Variants in SPAG17 observed in about 807,000 individuals in gnomAD.
The protein encoded by SPAG17 is sperm associated antigen 17.
A neutral mutation model predicts 273.6 loss-of-function variants in SPAG17; 169 were observed. That is an observed-to-expected ratio of 0.62 (90% CI 0.55 to 0.70). The LOEUF is 0.70. Ranked by LOEUF, SPAG17 falls within the 30% of genes least tolerant of loss-of-function variation. The pLI is 0.00. For synonymous variants in SPAG17, 825 were observed against 873.2 expected, an observed-to-expected ratio of 0.94 and a Z score of 0.97; for missense variants, 2,557 against 2,627.8, an observed-to-expected ratio of 0.97 and a Z score of 0.59.
chr1:117,962,212 G>T (rs927739992), intron 48 of SPAG17: 1 of 152,156 alleles, frequency 6.6e-6, no homozygotes, highest in African/African-American at 2.4e-5. Flanking sequence ...TTATGATAAA[G>T]TGACATGTAC....
intron 20 of SPAG17, among the ~76,000 whole-genome samples, chr1:118,053,321 A>G (rs1571352207): frequency 6.6e-6 from 1 of 152,124 alleles, no homozygotes; most frequent in South Asian, 2.1e-4. Flanking sequence ...TTGCATGCTC[A>G]TGGGGGTTGG....
At chr1:118,143,449 G>A (rs1162095368) in intron 3 of SPAG17, among the ~76,000 whole-genome samples, 1 of 152,066 alleles carries the variant, frequency 6.6e-6, no homozygotes, top group Non-Finnish European at 1.5e-5. Flanking sequence ...TATAATCCCA[G>A]TAATTGGGCT....
Position 117,980,218 on chromosome 1 carries a change from TTTTTTTC to T in SPAG17, c.6004+1045_6004+1051del, listed in dbSNP as rs1304094669. Among the ~76,000 whole-genome samples the T allele has an allele frequency of 2.2e-4, 33 of 152,068 alleles. 1 individual carries two copies. The highest frequency in any genetic ancestry group is 1.2e-4 in the Non-Finnish European group (8 of 68,010). ...CAAAAGTCTTGTATGGGGTAAATCTTTTTTTTCTTTTTTCTTTTCTTTTCTTTTTTTG... is the reference window on the plus strand; with the variant it reads ...CAAAAGTCTTGTATGGGGTAAATCTTTTTTTTCTTTTCTTTTCTTTTTTTG... On this transcript the variant is annotated intron_variant, in intron 43 of 48. Coordinates refer to ENST00000336338, the MANE Select transcript of SPAG17 (RefSeq NM_206996.4).
chr1:118,132,146 C>T (rs1432367341), intron 3 of SPAG17, among the ~76,000 whole-genome samples: 1 of 152,160 alleles, frequency 6.6e-6, no homozygotes, highest in Non-Finnish European at 1.5e-5. Flanking sequence ...CTTCTCCACA[C>T]TGGGAGAGTC....
intron 18 of SPAG17, among the ~76,000 whole-genome samples, chr1:118,061,209 G>A (rs10923485): frequency 0.078 from 11,857 of 151,914 alleles, 678 homozygotes; most frequent in East Asian, 0.31. Flanking sequence ...GAGTATATAT[G>A]CAAAAAAAAT....
At chr1:118,067,389 G>A (rs1174351177) in intron 17 of SPAG17, among the ~76,000 whole-genome samples, 4 of 152,200 alleles carry the variant, frequency 2.6e-5, no homozygotes, top group Admixed American at 2.6e-4. Flanking sequence ...GGGGTCATGA[G>A]ACTAGGGCCG....
chr1:118,183,225 A>G (rs1570845099), intron 1 of SPAG17, among the ~76,000 whole-genome samples: 2 of 152,266 alleles, frequency 1.3e-5, no homozygotes, highest in East Asian at 3.9e-4. Context: ...ATACTTGGAC[A>G]TGAGTAACAA....
At chr1:118,136,835 T>C (rs1462464415) in intron 3 of SPAG17, among the ~76,000 whole-genome samples, 3 of 138,326 alleles carry the variant, frequency 2.2e-5, no homozygotes, top group African/African-American at 8.0e-5. Flanking sequence ...GTGTGTGTTT[T>C]TAATGATGGA....
At chr1:118,175,082 G>A (rs903863247) in intron 1 of SPAG17, among the ~76,000 whole-genome samples, 1 of 152,044 alleles carries the variant, frequency 6.6e-6, no homozygotes, top group African/African-American at 2.4e-5. Flanking sequence ...CCAGGCTGGA[G>A]TGCAGTGGCG....
chr1:117,959,570 A>G, intron 48 of SPAG17: 2 of 1,086,626 alleles, frequency 1.8e-6, no homozygotes, highest in Non-Finnish European at 2.5e-6. Context: ...TGCAGATGAT[A>G]TCAGGATGTG....
chr1:117,983,247 C>G (rs1309864080), intron 42 of SPAG17, among the ~76,000 whole-genome samples: 1 of 152,178 alleles, frequency 6.6e-6, no homozygotes, highest in Non-Finnish European at 1.5e-5. Flanking sequence ...ATCACGAGAA[C>G]AGCACGGGAA....
intron 18 of SPAG17, among the ~76,000 whole-genome samples, chr1:118,060,587 T>C (rs1652180678): frequency 6.6e-6 from 1 of 152,224 alleles, no homozygotes; most frequent in Non-Finnish European, 1.5e-5. Flanking sequence ...TAGAGTATCC[T>C]GAATTTGACT....
rs767757195 is a variant in SPAG17, at chr1:117,970,074, C to A, written c.6369G>T (p.Val2123=). ...GACTTACAGGTCCAGGTTTGTAAGT[C>A]ACTTTCAGTCCTGTGCTGGGTGGGG... is the stretch of plus-strand genomic sequence containing the variant. ...KQPPPSTGLK[V]TYKPGPVAAG... The change falls in exon 46 of 49, where the codon GTG becomes GTT. Residue 2123 remains valine, a synonymous_variant. Coordinates refer to ENST00000336338, the MANE Select transcript of SPAG17 (RefSeq NM_206996.4). 6.2e-7 allele frequency: 1 copy of A among 1,613,654 alleles called. No individual in the cohort carries two copies. Among genetic ancestry groups the A allele is most frequent in the East Asian group, 2.2e-5 (1 of 44,872 alleles).
intron 1 of SPAG17, among the ~76,000 whole-genome samples, chr1:118,154,899 A>G (rs1236211849): frequency 6.6e-6 from 1 of 152,126 alleles, no homozygotes; most frequent in Admixed American, 6.5e-5. Context: ...TGTAATTAGT[A>G]GCAAGAGCTG....
chr1:118,028,378 G>A lies in SPAG17; in HGVS notation c.3626C>T (p.Pro1209Leu), dbSNP rs764764533. 4 of 1,613,484 alleles carry A rather than the reference G, an allele frequency of 2.5e-6. No individual in the cohort carries two copies. The highest frequency in any genetic ancestry group is 2.2e-5 in the East Asian group (1 of 44,882). ...EEEKKEEEVEPEPVLQETLDV... is the reference protein window; with the variant it reads ...EEEKKEEEVELEPVLQETLDV... The stretch of plus-strand genomic sequence containing the variant: ...CAAAGTCTCTTGTAAAACAGGTTCT[G>A]GTTCTACTTCTTCTTCCTGTAAATA... Residue 1209 changes from proline (P) to leucine (L), a missense_variant, in exon 26 of 49, where the codon CCA (proline) becomes CTA (leucine). By Grantham distance (98) the Pro-to-Leu change is moderately conservative. Transcript: ENST00000336338.
chr1:118,051,679 G>C (rs1651028024), intron 20 of SPAG17, among the ~76,000 whole-genome samples: 1 of 144,450 alleles, frequency 6.9e-6, no homozygotes, highest in Non-Finnish European at 1.5e-5. Flanking sequence ...ATATATAATA[G>C]TATTATATAA....
chr1:118,113,984 C>T (rs188542024), intron 4 of SPAG17, among the ~76,000 whole-genome samples: 1 of 152,236 alleles, frequency 6.6e-6, no homozygotes, highest in East Asian at 1.9e-4. Context: ...TAAATTGACG[C>T]TCTTTAGCAC....
At position 118,081,631 on chromosome 1, in the gene SPAG17, A is replaced by G; in HGVS notation, c.1774T>C (p.Trp592Arg). ...TTGAAGGCTCGTTCTACTTCATTCC[A>G]GCTCAAGACATCTGTAAGAAAGCAG... ...MHFCTSDVLS[W>R]NEVERAFKVF... Residue 592 changes from tryptophan (W) to arginine (R), a missense_variant, in exon 14 of 49, where the codon TGG becomes CGG. Coordinates refer to ENST00000336338, the MANE Select transcript of SPAG17 (RefSeq NM_206996.4). 8.1e-6 allele frequency: 13 copies of G among 1,613,700 alleles called. No homozygotes were observed. The highest frequency in any genetic ancestry group is 5.9e-6 in the Non-Finnish European group (7 of 1,179,752).
At position 117,958,786 on chromosome 1, in the gene SPAG17, T is replaced by C. The variant is rs897448728; in HGVS notation, c.*1-4737A>G. On this transcript the variant is annotated intron_variant, in intron 48 of 48. Coordinates refer to ENST00000336338, the MANE Select transcript of SPAG17 (RefSeq NM_206996.4). ...CTTTGGCTTTTTTTTTTTTTTTTGC[T>C]CGAAACATTTCTATAATGTATATTT... 7.8e-6 allele frequency: 4 copies of C among 515,552 alleles called. No homozygotes were observed. In the African/African-American group the frequency reaches 8.1e-5, roughly 10 times the overall value. The allele number at this position is 515,552 out of a possible 1,614,324, so 31.9% of individuals were successfully genotyped here.
Sources: gnomAD v4.1 joint callset for allele counts (sites outside exome capture counted in the v4.1 genomes callset) on GRCh38, gnomAD v4.1.1 for gene constraint, MANE v1.5 for transcripts, NCBI Gene and HGNC (gene_info 2026-07-23, HGNC 2026-07-21) for gene names.